The following PLCH2 variants were observed in gnomAD, a reference collection of about 807,000 sequenced individuals.
The protein encoded by PLCH2 is phospholipase C eta 2.
Under a neutral mutation model 134.7 loss-of-function variants are expected in PLCH2, and 98 were observed. The ratio of observed to expected loss-of-function variants is 0.73; its 90% CI spans 0.62 to 0.86. The LOEUF is 0.86. Among genes scored for constraint, PLCH2 ranks in the 40% least tolerant of loss-of-function variants. The pLI, the probability that PLCH2 is intolerant of heterozygous loss-of-function variation, is 0.00. For synonymous variants in PLCH2, 974 were observed against 827.5 expected (o/e 1.18, Z -3.04); for missense variants, 1,994 against 1,986.6 (o/e 1.00, Z -0.07).
rs756387144 is a variant in PLCH2, at chr1:2,476,608, C to T, written c.20C>T (p.Ser7Phe). The T allele has an allele frequency of 8.2e-6, 13 of 1,582,084 alleles. No homozygotes were observed. The highest frequency in any genetic ancestry group is 1.1e-5 in the Non-Finnish European group (13 of 1,167,150). The change falls in exon 1 of 22, where the codon TCC becomes TTC. Residue 7 changes from serine (S) to phenylalanine (F), a missense_variant. Ser to Phe is a radical substitution (Grantham distance 155). Coordinates refer to ENST00000378486, the MANE Select transcript of PLCH2 (RefSeq NM_014638.4). ...CAGGCCATGTCTGGTCCATGGCCCT[C>T]CCCCGACAGCCGGACCAAGGGAACG... MSGPWP[S>F]PDSRTKGTVA...
intron 2 of PLCH2, among the ~76,000 whole-genome samples, chr1:2,446,284 G>A (rs1639939294): frequency 6.6e-6 from 1 of 152,256 alleles, no homozygotes; most frequent in African/African-American, 2.4e-5. Context: ...CTGGGCACAA[G>A]TGGCCCTGGA....
upstream of PLCH2, among the ~76,000 whole-genome samples, chr1:2,472,429 G>A (rs1272390328): frequency 1.3e-5 from 2 of 152,208 alleles, no homozygotes. Flanking sequence ...GGGGGATGCT[G>A]GGGCTGCGAG....
Position 2,495,685 on chromosome 1 carries a change from C to T in PLCH2, c.1835+115C>T. 7.5e-6 allele frequency: 5 copies of T among 665,980 alleles called. No individual in the cohort carries two copies. In the South Asian group the frequency reaches 8.1e-5, roughly 11 times the overall value. The allele number at this position is 665,980 out of a possible 1,614,324, so 41.3% of individuals were successfully genotyped here. Reference sequence around the variant, plus strand: ...TCCCTGAGCAGGGCAGGACCTACCCCCTTCTTGGCCCCTGGAAGCAGTGAA... The same window carrying T: ...TCCCTGAGCAGGGCAGGACCTACCCTCTTCTTGGCCCCTGGAAGCAGTGAA... On this transcript the variant is annotated intron_variant, in intron 13 of 21. Transcript: ENST00000378486.
intron 2 of PLCH2, among the ~76,000 whole-genome samples, chr1:2,441,186 C>T (rs995191998): frequency 3.9e-5 from 6 of 152,134 alleles, no homozygotes; most frequent in Admixed American, 2.6e-4. Context: ...CCTAGAGGGC[C>T]GGGGGATGGG....
At chr1:2,445,739 G>A (rs1639911838) in intron 2 of PLCH2, among the ~76,000 whole-genome samples, 1 of 152,178 alleles carries the variant, frequency 6.6e-6, no homozygotes, top group Non-Finnish European at 1.5e-5. Context: ...GGCCCTCACT[G>A]CTGCTGCTGG....
chr1:2,443,468 G>A (rs1041961103), intron 2 of PLCH2, among the ~76,000 whole-genome samples: 7 of 152,076 alleles, frequency 4.6e-5, no homozygotes, highest in Admixed American at 4.6e-4. Context: ...CCCCCTTCCC[G>A]GTCCCGCCGG....
rs1037661738 is a variant in PLCH2, at chr1:2,497,491, C to T, written c.2117-11C>T. 6.5e-7 allele frequency: 1 copy of T among 1,542,248 alleles called. No individual in the cohort carries two copies. Among genetic ancestry groups the T allele is most frequent in the Non-Finnish European group, 8.8e-7 (1 of 1,139,906 alleles). On this transcript the variant is annotated splice_polypyrimidine_tract_variant and intron_variant, in intron 15 of 21. Transcript: ENST00000378486. ...GGTGCTGACCAGGGCAGCCTTGTGTCACCCTCGCAGTTGCCCTGAACTACC... is the reference window on the plus strand; with the variant it reads ...GGTGCTGACCAGGGCAGCCTTGTGTTACCCTCGCAGTTGCCCTGAACTACC...
At chr1:2,478,119 C>T (rs368224636) in intron 1 of PLCH2, among the ~76,000 whole-genome samples, 11 of 152,184 alleles carry the variant, frequency 7.2e-5, no homozygotes, top group African/African-American at 1.7e-4. Flanking sequence ...GGCCCAGCGC[C>T]GGTTACCAGG....
At chr1:2,469,024 G>A (rs1270326260) in intron 1 of PLCH2, among the ~76,000 whole-genome samples, 1 of 152,200 alleles carries the variant, frequency 6.6e-6, no homozygotes, top group Non-Finnish European at 1.5e-5. Flanking sequence ...TGTAACCAGG[G>A]CTGCTGGGCA....
rs754032530 is a variant in PLCH2, at chr1:2,504,178, C to T, written c.3216C>T (p.Pro1072=). ...CCGGCGGGGCATACGAGAGGGCCCC[C>T]GGCAGCCAGACGGACGGCAGGAGCC... is the stretch of plus-strand genomic sequence containing the variant. The part of the protein sequence containing the change: ...EGAGGAYERA[P]GSQTDGRSQP... Residue 1072 remains proline, a synonymous_variant, in exon 22 of 22, where the codon CCC becomes CCT. Coordinates refer to ENST00000378486, the MANE Select transcript of PLCH2 (RefSeq NM_014638.4). The T allele has an allele frequency of 9.1e-6, 14 of 1,537,888 alleles. No individual in the cohort carries two copies. Among genetic ancestry groups the T allele is most frequent in the African/African-American group, 2.8e-5 (2 of 71,946 alleles).
chr1:2,461,764 T>G (rs1640812097), intron 2 of PLCH2, among the ~76,000 whole-genome samples: 1 of 152,160 alleles, frequency 6.6e-6, no homozygotes, highest in African/African-American at 2.4e-5. Flanking sequence ...TGAACCTGTC[T>G]GCAACTCCCC....
At chr1:2,420,053 G>A in the PLCH2 span, among the ~76,000 whole-genome samples, 1 of 151,440 alleles carries the variant, frequency 6.6e-6, no homozygotes, top group Admixed American at 6.6e-5. Flanking sequence ...CAGCTATGGG[G>A]GTGGGGGCAG....
intron 2 of PLCH2, among the ~76,000 whole-genome samples, chr1:2,441,833 C>T (rs908720622): frequency 1.3e-5 from 2 of 152,190 alleles, no homozygotes; most frequent in African/African-American, 4.8e-5. Context: ...CTTCCATCCA[C>T]AGCCCGCATT....
chr1:2,420,440 C>G, the PLCH2 span, among the ~76,000 whole-genome samples: 1 of 151,966 alleles, frequency 6.6e-6, no homozygotes, highest in Non-Finnish European at 1.5e-5. Context: ...GGCGGGGTTG[C>G]GGATCCACAG....
chr1:2,427,190 G>A (rs901417045), intron 1 of PLCH2, among the ~76,000 whole-genome samples: 2 of 152,198 alleles, frequency 1.3e-5, no homozygotes, highest in African/African-American at 4.8e-5. Context: ...GCGGCTAGGG[G>A]CCCACCGGGT....
At chr1:2,491,867 C>T (rs568895011) in intron 11 of PLCH2, among the ~76,000 whole-genome samples, 9 of 150,094 alleles carry the variant, frequency 6.0e-5, no homozygotes, top group South Asian at 2.1e-4. Flanking sequence ...TGCTGGTGGG[C>T]GCCTGTGCTG....
chr1:2,483,791 GGGCGCTGACCCCCGTGTGGGGGT>G (rs1268648300), intron 4 of PLCH2, among the ~76,000 whole-genome samples: 1,362 of 84,284 alleles, frequency 0.016, 272 homozygotes, highest in African/African-American at 0.047. Flanking sequence ...CCGTTTGGGG[GGGCGCTGACCCCCGTGTGGGGGT>G]GGCGCTGACC....
At chr1:2,427,382 C>T (rs1041753331) in intron 1 of PLCH2, among the ~76,000 whole-genome samples, 9 of 152,174 alleles carry the variant, frequency 5.9e-5, no homozygotes, top group African/African-American at 2.2e-4. Flanking sequence ...AGCTCAGCCG[C>T]CCCTGCTGGT....
At position 2,498,739 on chromosome 1, in the gene PLCH2, C is replaced by A; in HGVS notation, c.2350-5C>A. 1 of 1,607,040 alleles carries A rather than the reference C, an allele frequency of 6.2e-7. No individual in the cohort carries two copies. Among genetic ancestry groups the A allele is most frequent in the Non-Finnish European group, 8.5e-7 (1 of 1,176,952 alleles). On this transcript the variant is annotated splice_region_variant and splice_polypyrimidine_tract_variant and intron_variant, in intron 17 of 21. Coordinates refer to ENST00000378486, the MANE Select transcript of PLCH2 (RefSeq NM_014638.4). The surrounding 1 kb of genome is among the most constrained non-coding windows in gnomAD (Gnocchi z 5.4). ...CCTGATGCCACCCCCACTCCTGTGT[C>A]CCAGATCATCGACCCCTTTGTGGAG...
Sources: gnomAD v4.1 joint callset for allele counts (sites outside exome capture counted in the v4.1 genomes callset) on GRCh38, gnomAD v4.1.1 for gene constraint, Gnocchi (gnomAD v3.1) non-coding constraint, MANE v1.5 for transcripts, NCBI Gene and HGNC (gene_info 2026-07-23, HGNC 2026-07-21) for gene names.